TTC7A: variants seen among roughly 807,000 people sequenced by gnomAD.
The protein encoded by TTC7A is tetratricopeptide repeat domain 7A.
Under a neutral mutation model 103.7 loss-of-function variants are expected in TTC7A, and 110 were observed. The observed-to-expected ratio is 1.06, with a 90% CI of 0.91 to 1.24. The LOEUF (loss-of-function observed/expected upper bound fraction) is 1.24. Among genes scored for constraint, TTC7A ranks in the 50% most tolerant of loss-of-function variants. The probability of loss-of-function intolerance (pLI) is 0.00; values close to 1 mark genes in which losing one functional copy is unlikely to be tolerated. For synonymous variants in TTC7A, 521 were observed against 467.9 expected (o/e 1.11, Z -1.47); for missense variants, 1,340 against 1,116.3 (o/e 1.20, Z -2.86).
At chr2:46,952,773 G>C (rs1487699102) in intron 2 of TTC7A, among the ~76,000 whole-genome samples, 2 of 152,130 alleles carry the variant, frequency 1.3e-5, no homozygotes, top group Non-Finnish European at 2.9e-5. Context: ...AAAAGTTCTT[G>C]TTTTCCAACC....
chr2:46,938,669 G>C (rs1429064748), upstream of TTC7A, among the ~76,000 whole-genome samples: 1 of 152,194 alleles, frequency 6.6e-6, no homozygotes, highest in East Asian at 1.9e-4. Context: ...TTCTCTTATA[G>C]TCAATAAATT....
At chr2:46,956,606 A>G (rs1671875289) in intron 2 of TTC7A, 1 of 554,052 alleles carries the variant, frequency 1.8e-6, no homozygotes, top group East Asian at 3.0e-5. Context: ...ACGCACACAC[A>G]TGAAACAATT....
chr2:47,073,436 C>T (rs1684943457), intron 19 of TTC7A, among the ~76,000 whole-genome samples: 1 of 152,212 alleles, frequency 6.6e-6, no homozygotes, highest in Non-Finnish European at 1.5e-5. Context: ...GGTCTGTTGA[C>T]TTGAAAGCCA....
At chr2:46,937,358 C>T (rs1670030995), upstream of TTC7A, among the ~76,000 whole-genome samples, 2 of 152,026 alleles carry the variant, frequency 1.3e-5, no homozygotes, top group African/African-American at 4.8e-5. This position sits in a 1 kb window ranked among gnomAD's most constrained non-coding sequence, Gnocchi z 4.0. Flanking sequence ...TGGCTAGATA[C>T]CCCAAAGCTC....
chr2:46,966,787 C>T (rs1437494068), intron 3 of TTC7A, among the ~76,000 whole-genome samples: 2 of 110,572 alleles, frequency 1.8e-5, no homozygotes, highest in African/African-American at 3.1e-5. Flanking sequence ...TCACCACCCC[C>T]AGCTTTTTTT....
intron 11 of TTC7A, 138 bp from the exon 12 acceptor site, chr2:47,021,724 G>A: frequency 1.4e-6 from 1 of 725,486 alleles, no homozygotes. Flanking sequence ...CTGGGGCAAG[G>A]GAAGCTTCTC....
intron 15 of TTC7A, among the ~76,000 whole-genome samples, chr2:47,041,825 T>C (rs985731313): frequency 2.6e-5 from 4 of 151,576 alleles, no homozygotes; most frequent in African/African-American, 9.7e-5. Context: ...AAAGATTATA[T>C]ACATAGTAGG....
chr2:46,958,685 T>A, intron 3 of TTC7A: 1 of 515,140 alleles, frequency 1.9e-6, no homozygotes, highest in African/African-American at 2.0e-5. Context: ...CCTGCTGCAG[T>A]GACCACGCCT....
In TTC7A at chr2:47,073,798, G is replaced by A. The variant is rs1684984432; in HGVS notation, c.2452G>A (p.Gly818Ser). Reference protein sequence around the residue: ...RQSTCHEAWQGLGEVLQAQGQ... With the variant: ...RQSTCHEAWQSLGEVLQAQGQ... ...GAGTACGTGCCACGAGGCGTGGCAG[G>A]GCCTGGGCGAGGTGCTGCAGGCCCA... Residue 818 changes from glycine to serine, a missense_variant, in exon 20 of 20, where the codon GGC becomes AGC. By Grantham distance (56) the Gly-to-Ser change is moderately conservative. Transcript: ENST00000319190. 2 of 1,613,680 alleles carry A rather than the reference G, an allele frequency of 1.2e-6. No individual in the cohort carries two copies. The highest frequency in any genetic ancestry group is 1.3e-5 in the African/African-American group (1 of 74,944).
At chr2:46,955,552 A>G (rs1042601681) in intron 2 of TTC7A, among the ~76,000 whole-genome samples, 1 of 152,132 alleles carries the variant, frequency 6.6e-6, no homozygotes, top group Non-Finnish European at 1.5e-5. Context: ...CAAAGGATAG[A>G]AGAGGACCTG....
In TTC7A at chr2:47,024,190, A is replaced by C. The variant is rs575554391; in HGVS notation, c.1569-97A>C. 5 of 1,104,002 alleles carry C rather than the reference A, an allele frequency of 4.5e-6. No homozygotes were observed. The South Asian group carries it at 8.2e-5, about 18-fold the overall frequency. The allele number at this position is 1,104,002 out of a possible 1,614,324, so 68.4% of individuals were successfully genotyped here. On this transcript the variant is annotated intron_variant, in intron 13 of 19. Coordinates refer to ENST00000319190, the MANE Select transcript of TTC7A (RefSeq NM_020458.4). ...GCAGAATCCCCCAGGGTATTGCCTC[A>C]TAGCGCCCAGCACAGGGCTGGCATG...
At chr2:47,051,665 G>A in intron 17 of TTC7A, 81 bp from the exon 18 acceptor site, 1 of 1,504,658 alleles carries the variant, frequency 6.6e-7, no homozygotes, top group Non-Finnish European at 9.0e-7. Flanking sequence ...TCTCCCCATG[G>A]TGCTGGGCAA....
At chr2:46,936,635 C>T (rs1173596462), upstream of TTC7A, among the ~76,000 whole-genome samples, 1 of 152,140 alleles carries the variant, frequency 6.6e-6, no homozygotes, top group Admixed American at 6.6e-5. Context: ...ACTTCTGCTT[C>T]TTGCATGTAT....
In TTC7A at chr2:47,060,974, G is replaced by A; in HGVS notation, c.2355+3G>A. 1.2e-6 allele frequency: 2 copies of A among 1,602,670 alleles called. No individual in the cohort carries two copies. The highest frequency in any genetic ancestry group is 1.1e-5 in the South Asian group (1 of 90,152). ...GCGTGCGCATCATGCATAGCCTGGT[G>A]AGTCAGAGCCCCCCGCGCTCCCACC... is the stretch of plus-strand genomic sequence containing the variant. On this transcript the variant is annotated splice_donor_region_variant and intron_variant, in intron 19 of 19. Coordinates refer to ENST00000319190, the MANE Select transcript of TTC7A (RefSeq NM_020458.4).
chr2:47,044,498 G>A (rs1467492991), intron 15 of TTC7A, among the ~76,000 whole-genome samples: 1 of 152,174 alleles, frequency 6.6e-6, no homozygotes, highest in East Asian at 1.9e-4. Context: ...TGCCAGCTGT[G>A]CACTCAGGTC....
intron 19 of TTC7A, chr2:47,068,292 T>G (rs1364827428): frequency 6.6e-6 from 1 of 152,156 alleles, no homozygotes; most frequent in East Asian, 1.9e-4. Flanking sequence ...GGTACCGGGT[T>G]CCTGGGGCCA....
chr2:47,052,028 T>A, intron 18 of TTC7A, 148 bp downstream of exon 18: 1 of 1,046,918 alleles, frequency 9.6e-7, no homozygotes, highest in South Asian at 1.9e-5. Flanking sequence ...TGGCTGTGGG[T>A]CTCCTTCTCT....
chr2:47,072,067 T>A (rs1348936690), intron 19 of TTC7A, among the ~76,000 whole-genome samples: 3 of 152,170 alleles, frequency 2.0e-5, no homozygotes, highest in Non-Finnish European at 4.4e-5. Flanking sequence ...CTGTGGGCCG[T>A]GTTCCATTGT....
In TTC7A at chr2:47,041,440, C is replaced by G. The variant is rs374167895; in HGVS notation, c.1803-4875C>G. Among the ~76,000 whole-genome samples, 6 of 152,248 alleles carry G rather than the reference C, an allele frequency of 3.9e-5. No homozygotes were observed. In the South Asian group the frequency reaches 1.0e-3, roughly 26 times the overall value. On this transcript the variant is annotated intron_variant, in intron 15 of 19. Transcript: ENST00000319190. The stretch of plus-strand genomic sequence containing the variant: ...AGGCCGGGCTGGCTGCACACTGATT[C>G]TAGAATGTCTGACATTAAAAATGCT...
Sources: allele counts gnomAD v4.1 joint callset (sites outside exome capture counted in the v4.1 genomes callset), GRCh38; gene constraint gnomAD v4.1.1; non-coding constraint Gnocchi (gnomAD v3.1); transcripts MANE v1.5; gene names NCBI Gene and HGNC (gene_info 2026-07-23, HGNC 2026-07-21).